NYNRIN: variants seen among roughly 807,000 people sequenced by gnomAD.
NYNRIN encodes the protein protein NYNRIN.
A neutral mutation model predicts 146.6 loss-of-function variants in NYNRIN; 86 were observed. That is an observed-to-expected ratio of 0.59 (90% CI 0.49 to 0.70). NYNRIN has a LOEUF of 0.70. NYNRIN is among the 30% of genes least tolerant of loss of function. The pLI is 0.00. For synonymous variants in NYNRIN, 1,027 were observed against 1,001.3 expected (o/e 1.03, Z -0.48); for missense variants, 2,191 against 2,377.7 (o/e 0.92, Z 1.63).
chr14:24,411,344 T>C lies in NYNRIN; in HGVS notation c.2546-10T>C, dbSNP rs746031833. Reference sequence around the variant, plus strand: ...CTTGACCATTTCTGTCTTCTGCCTTTCACCCCCAGAGAGCCACTTTCTGAC... The same window carrying C: ...CTTGACCATTTCTGTCTTCTGCCTTCCACCCCCAGAGAGCCACTTTCTGAC... On this transcript the variant is annotated splice_polypyrimidine_tract_variant and intron_variant, in intron 5 of 8. Transcript: ENST00000382554. This position sits in a 1 kb window ranked among gnomAD's most constrained non-coding sequence, Gnocchi z 4.3. The C allele has an allele frequency of 6.2e-7, 1 of 1,613,908 alleles. No individual in the cohort carries two copies. Among genetic ancestry groups the C allele is most frequent in the Non-Finnish European group, 8.5e-7 (1 of 1,179,800 alleles).
chr14:24,415,258 C>A lies in NYNRIN; in HGVS notation c.3509C>A (p.Ala1170Asp). Reference protein sequence around the residue: ...FRLEVTVSHVALTAILHQEHS... With the variant: ...FRLEVTVSHVDLTAILHQEHS... ...CTGGAGGTGACCGTGAGCCACGTGG[C>A]CCTGACGGCCATCCTCCATCAGGAG... Residue 1170 changes from alanine (A) to aspartate (D), a missense_variant, in exon 9 of 9, where the codon GCC (alanine) becomes GAC (aspartate). Physicochemically the swap from Ala to Asp is moderately radical, Grantham distance 126. Around this residue, in one of 3 missense-constraint regions of NYNRIN, gnomAD observed 1,291 missense variants for 1,417.0 expected, o/e 0.91. Transcript: ENST00000382554. The A allele has an allele frequency of 6.2e-7, 1 of 1,613,800 alleles. No individual in the cohort carries two copies. Among genetic ancestry groups the A allele is most frequent in the Non-Finnish European group, 8.5e-7 (1 of 1,179,864 alleles).
intron 7 of NYNRIN, 43 bp downstream of exon 7, chr14:24,413,141 A>T: frequency 6.8e-7 from 1 of 1,468,872 alleles, no homozygotes; most frequent in Non-Finnish European, 9.3e-7. Context: ...TTCCCCTTGG[A>T]TGTCAGGCAG....
intron 2 of NYNRIN, among the ~76,000 whole-genome samples, chr14:24,404,930 T>TA (rs2042867065): frequency 6.6e-6 from 1 of 152,124 alleles, no homozygotes; most frequent in East Asian, 1.9e-4. Context: ...CCTCGACTCC[T>TA]AAGACCTTGT....
chr14:24,399,045 A>C lies in NYNRIN; in HGVS notation c.-59A>C, dbSNP rs1242309619. ...AGCTCGTCGCGGTAGCAGCGGTCGA[A>C]GGGGACCAAGCTCCAGAGGGCGGGC... On this transcript the variant is annotated 5_prime_UTR_variant, in exon 1 of 9. Transcript: ENST00000382554. 3.8e-6 allele frequency: 2 copies of C among 522,096 alleles called. No homozygotes were observed. The highest frequency in any genetic ancestry group is 4.1e-5 in the African/African-American group (2 of 48,558). 32.3% of individuals were successfully genotyped at this position (522,096 alleles called of 1,614,324 possible).
In NYNRIN at chr14:24,408,599, G is replaced by T. The variant is rs905276001; in HGVS notation, c.858-53G>T. The stretch of plus-strand genomic sequence containing the variant: ...CCCCTACCCTAAGGAAATAGTAATA[G>T]TTTGGGACCAAACTGGCCTTCCACC... On this transcript the variant is annotated intron_variant, in intron 3 of 8. Transcript: ENST00000382554. 7 of 1,542,110 alleles carry T rather than the reference G, an allele frequency of 4.5e-6. No individual in the cohort carries two copies. The African/African-American group carries it at 6.9e-5, about 15-fold the overall frequency.
Position 24,410,057 on chromosome 14 carries a change from C to A in NYNRIN, c.2263C>A (p.Pro755Thr), listed in dbSNP as rs559761812. ...LGAWEGAPRQ[P>T]PRHLQANSTV... ...GGCTTGGGAGGGGGCCCCAAGGCAG[C>A]CACCTCGCCACCTGCAAGCGAACAG... Residue 755 changes from proline (P) to threonine (T), a missense_variant, in exon 4 of 9, where the codon CCA (proline) becomes ACA (threonine). Around this residue, in one of 3 missense-constraint regions of NYNRIN, gnomAD observed 895 missense variants for 941.2 expected, o/e 0.95. Transcript: ENST00000382554. 2.5e-6 allele frequency: 4 copies of A among 1,613,796 alleles called. No homozygotes were observed. Among genetic ancestry groups the A allele is most frequent in the Admixed American group, 1.7e-5 (1 of 60,014 alleles).
At position 24,399,343 on chromosome 14, in the gene NYNRIN, C is replaced by T; in HGVS notation, c.97C>T (p.Arg33Cys). 1 of 1,613,832 alleles carries T rather than the reference C, an allele frequency of 6.2e-7. No individual in the cohort carries two copies. Among genetic ancestry groups the T allele is most frequent in the Non-Finnish European group, 8.5e-7 (1 of 1,179,826 alleles). Residue 33 changes from arginine (R) to cysteine (C), a missense_variant, in exon 2 of 9, where the codon CGC becomes TGC. Arg to Cys is a radical substitution (Grantham distance 180, BLOSUM62 -3). This residue lies in a region of NYNRIN where 895 missense variants were observed against 941.2 expected (regional missense o/e 0.95). Transcript: ENST00000382554. ...RVQRQRLQVQRIFRVKLNAFQ... is the reference protein window; with the variant it reads ...RVQRQRLQVQCIFRVKLNAFQ... Reference sequence around the variant, plus strand: ...GCAGCGGCAGCGGCTGCAAGTGCAGCGCATCTTTAGGGTCAAGCTGAACGC... The same window carrying T: ...GCAGCGGCAGCGGCTGCAAGTGCAGTGCATCTTTAGGGTCAAGCTGAACGC...
rs547141864 is a variant in NYNRIN, at chr14:24,410,163, A to G, written c.2369A>G (p.Gln790Arg). The stretch of plus-strand genomic sequence containing the variant: ...AACCTGTCAGGGGAACCTGGAAACC[A>G]GGGGTTGCGGCGAGTGGTCATCGAT... The part of the protein sequence containing the change: ...ELNLSGEPGN[Q>R]GLRRVVIDGS... The change falls in exon 4 of 9, where the codon CAG becomes CGG. Residue 790 changes from glutamine (Q) to arginine (R), a missense_variant. By Grantham distance (43) the Gln-to-Arg change is conservative. Coordinates refer to ENST00000382554, the MANE Select transcript of NYNRIN (RefSeq NM_025081.3). 2 of 1,611,482 alleles carry G rather than the reference A, an allele frequency of 1.2e-6. No individual in the cohort carries two copies. Among genetic ancestry groups the G allele is most frequent in the East Asian group, 2.2e-5 (1 of 44,822 alleles).
rs2139353425 is a variant in NYNRIN at position 24,415,196 on chromosome 14, C to T, written c.3447C>T (p.Leu1149=). Residue 1149 remains leucine, a synonymous_variant, in exon 9 of 9, where the codon CTC becomes CTT. Coordinates refer to ENST00000382554, the MANE Select transcript of NYNRIN (RefSeq NM_025081.3). ...TGAAGCGAGCCCTGGTGTCTGCCCT[C>T]TGCCTGATGGCCCCCAACTCCCAGC... ...LALKRALVSA[L]CLMAPNSQLP... is the part of the protein sequence containing the mutation. 1 of 1,610,598 alleles carries T rather than the reference C, an allele frequency of 6.2e-7. No individual in the cohort carries two copies. Among genetic ancestry groups the T allele is most frequent in the African/African-American group, 1.3e-5 (1 of 75,052 alleles).
Position 24,417,663 on chromosome 14 carries a change from C to A in NYNRIN, c.*217C>A. On this transcript the variant is annotated 3_prime_UTR_variant, in exon 9 of 9. Transcript: ENST00000382554. Reference sequence around the variant, plus strand: ...GGGTACTTGGAGAATTTGCCAAAGGCTGTCAGATATGGGTCCCTGGCAGTT... The same window carrying A: ...GGGTACTTGGAGAATTTGCCAAAGGATGTCAGATATGGGTCCCTGGCAGTT... 1 of 605,506 alleles carries A rather than the reference C, an allele frequency of 1.7e-6. No homozygotes were observed. The highest frequency in any genetic ancestry group is 2.6e-6 in the Non-Finnish European group (1 of 384,774). The allele number at this position is 605,506 out of a possible 1,614,324, so 37.5% of individuals were successfully genotyped here.
intron 7 of NYNRIN, 100 bp from the exon 8 acceptor site, chr14:24,413,216 C>T: frequency 7.4e-7 from 1 of 1,358,302 alleles, no homozygotes; most frequent in Non-Finnish European, 1.0e-6. Context: ...CAGCACCTGC[C>T]AGGATGTGGG....
At position 24,408,850 on chromosome 14, in the gene NYNRIN, G is replaced by T. The variant is rs746951328; in HGVS notation, c.1056G>T (p.Pro352=). Residue 352 remains proline, a synonymous_variant, in exon 4 of 9, where the codon CCG becomes CCT. Transcript: ENST00000382554. ...GCCCACCCTGGAAGGCCTGGACCCC[G>T]GGGCCAGCCTTTGGGCCATTGTGGC... is the stretch of plus-strand genomic sequence containing the variant. ...GVCPPWKAWT[P]GPAFGPLWPG... is the part of the protein sequence containing the mutation. 9 of 1,614,006 alleles carry T rather than the reference G, an allele frequency of 5.6e-6. No individual in the cohort carries two copies. Among genetic ancestry groups the T allele is most frequent in the Non-Finnish European group, 7.6e-6 (9 of 1,179,886 alleles).
chr14:24,410,035 T>C lies in NYNRIN; in HGVS notation c.2241T>C (p.Ala747=), dbSNP rs1325803310. 1 of 1,613,682 alleles carries C rather than the reference T, an allele frequency of 6.2e-7. No individual in the cohort carries two copies. Among genetic ancestry groups the C allele is most frequent in the Admixed American group, 1.7e-5 (1 of 60,000 alleles). ...TTCAGATGGAGGGGCTCCTGGGGGC[T>C]TGGGAGGGGGCCCCAAGGCAGCCAC... The part of the protein sequence containing the change: ...HQFQMEGLLG[A]WEGAPRQPPR... The change falls in exon 4 of 9, where the codon GCT becomes GCC. Residue 747 remains alanine (A), a synonymous_variant. Coordinates refer to ENST00000382554, the MANE Select transcript of NYNRIN (RefSeq NM_025081.3).
intron 8 of NYNRIN, among the ~76,000 whole-genome samples, chr14:24,413,998 G>C (rs941013360): frequency 3.3e-5 from 5 of 152,224 alleles, no homozygotes; most frequent in Admixed American, 6.5e-5. Context: ...TGACTCAAGT[G>C]ACTTTTCCAA....
chr14:24,411,250 C>A lies in NYNRIN; in HGVS notation c.2545+44C>A. 2 of 1,611,442 alleles carry A rather than the reference C, an allele frequency of 1.2e-6. No homozygotes were observed. Among genetic ancestry groups the A allele is most frequent in the Non-Finnish European group, 1.7e-6 (2 of 1,178,758 alleles). On this transcript the variant is annotated intron_variant, in intron 5 of 8. Coordinates refer to ENST00000382554, the MANE Select transcript of NYNRIN (RefSeq NM_025081.3). The surrounding 1 kb of genome is among the most constrained non-coding windows in gnomAD (Gnocchi z 4.3). ...GCCCAGCCTCCACAGTGTCACCAAG[C>A]TTTCTTCTCTCTGCCTTGCTGCCCC...
chr14:24,409,814 GTC>G lies in NYNRIN; in HGVS notation c.2023_2024del (p.Ser675GlnfsTer27), dbSNP rs1290709949. 2 of 1,613,316 alleles carry G rather than the reference GTC, an allele frequency of 1.2e-6. No homozygotes were observed. The highest frequency in any genetic ancestry group is 3.3e-5 in the Admixed American group (2 of 59,920). ...TCCCAAAGTACCTGTGACCCCCAGA[GTC>G]TCCAGAGCTCCCAAAACACCTGCAG... The part of the protein sequence containing the change: ...AAPKVPVTPR[V>X]SRAPKTPAAQ... On this transcript the variant is annotated frameshift_variant, in exon 4 of 9. Transcript: ENST00000382554. LOFTEE classifies it high-confidence loss of function.
intron 2 of NYNRIN, among the ~76,000 whole-genome samples, chr14:24,402,137 T>G (rs1250491944): frequency 1.3e-5 from 2 of 152,176 alleles, no homozygotes; most frequent in Middle Eastern, 3.2e-3. Flanking sequence ...TCTATGTGGT[T>G]GGTTTCTCAG....
At position 24,416,700 on chromosome 14, in the gene NYNRIN, CT is replaced by C; in HGVS notation, c.4952del (p.Leu1651ArgfsTer25). 6.2e-7 allele frequency: 1 copy of C among 1,613,960 alleles called. No homozygotes were observed. Among genetic ancestry groups the C allele is most frequent in the Non-Finnish European group, 8.5e-7 (1 of 1,179,870 alleles). On this transcript the variant is annotated frameshift_variant, in exon 9 of 9. Transcript: ENST00000382554. LOFTEE classifies it high-confidence loss of function. ...PNTRWVEAFP[L>X]KPYTHTAVAQ... Reference sequence around the variant, plus strand: ...CACCAGGTGGGTGGAGGCATTCCCCCTGAAGCCCTACACACACACGGCTGTG... The same window carrying C: ...CACCAGGTGGGTGGAGGCATTCCCCCGAAGCCCTACACACACACGGCTGTG...
rs953188420 is a variant in NYNRIN at position 24,411,815 on chromosome 14, C to G, written c.2642+365C>G. Among the ~76,000 whole-genome samples, 5 of 152,164 alleles carry G rather than the reference C, an allele frequency of 3.3e-5. No individual in the cohort carries two copies. Among genetic ancestry groups the G allele is most frequent in the African/African-American group, 1.2e-4 (5 of 41,416 alleles). ...CTCCAGACTGCTTTAGTCTTTTCCT[C>G]CCTCGGAGCCCCGGCACTGGTGGAG... On this transcript the variant is annotated intron_variant, in intron 6 of 8. Coordinates refer to ENST00000382554, the MANE Select transcript of NYNRIN (RefSeq NM_025081.3). The surrounding 1 kb of genome is among the most constrained non-coding windows in gnomAD (Gnocchi z 4.3).
Sources: allele counts gnomAD v4.1 joint callset (sites outside exome capture counted in the v4.1 genomes callset), GRCh38; gene constraint gnomAD v4.1.1; regional missense constraint gnomAD v4.1.1; non-coding constraint Gnocchi (gnomAD v3.1); transcripts MANE v1.5; gene names NCBI Gene and HGNC (gene_info 2026-07-23, HGNC 2026-07-21).